Variants in SOX6 observed in about 807,000 individuals in gnomAD.
SOX6 encodes transcription factor SOX-6.
A neutral mutation model predicts 97.8 loss-of-function variants in SOX6; 11 were observed. That is an observed-to-expected ratio of 0.11 (90% confidence interval 0.07 to 0.19). The LOEUF is 0.19. Among genes scored for constraint, SOX6 ranks in the 10% least tolerant of loss-of-function variants. The probability of loss-of-function intolerance (pLI) is 1.00; values close to 1 mark genes in which losing one functional copy is unlikely to be tolerated. For missense variants in SOX6, 810 were observed against 1,039.5 expected (o/e 0.78, Z 3.04); for synonymous variants, 360 against 371.4 (o/e 0.97, Z 0.35).
intron 4 of SOX6, among the ~76,000 whole-genome samples, chr11:16,485,200 C>T (rs181744941): frequency 6.6e-6 from 1 of 152,276 alleles, no homozygotes; most frequent in East Asian, 1.9e-4. Flanking sequence ...CAACTGCCAA[C>T]ACTTTACTGC....
chr11:16,022,369 T>TCCTTCCTC (rs1016251888), intron 12 of SOX6, among the ~76,000 whole-genome samples: 2 of 146,294 alleles, frequency 1.4e-5, no homozygotes, highest in Non-Finnish European at 3.0e-5. Context: ...CTTCCTTCCT[T>TCCTTCCTC]CCTTCCTCCC....
intron 13 of SOX6, among the ~76,000 whole-genome samples, chr11:16,002,990 CCA>C (rs1854448318): frequency 6.6e-6 from 1 of 152,150 alleles, no homozygotes; most frequent in South Asian, 2.1e-4. Context: ...ATTCTTACAC[CCA>C]GTTTTAAATC....
chr11:16,400,841 G>T (rs1858537200), intron 1 of SOX6, among the ~76,000 whole-genome samples: 1 of 151,376 alleles, frequency 6.6e-6, no homozygotes, highest in African/African-American at 2.4e-5. Flanking sequence ...ATTTCATTAT[G>T]AAATAATAAG....
chr11:16,717,037 ATGTC>A (rs1243287981), intron 2 of SOX6, among the ~76,000 whole-genome samples: 1 of 152,128 alleles, frequency 6.6e-6, no homozygotes, highest in Non-Finnish European at 1.5e-5. Context: ...ACTTTTCTGT[ATGTC>A]TATTATGTTT....
intron 1 of SOX6, among the ~76,000 whole-genome samples, chr11:16,417,465 T>C (rs1312108116): frequency 4.6e-5 from 7 of 152,182 alleles, no homozygotes; most frequent in African/African-American, 1.7e-4. Flanking sequence ...GCCTGACAGA[T>C]GATGCCATAG....
At chr11:16,160,138 T>C (rs1263055947) in intron 6 of SOX6, among the ~76,000 whole-genome samples, 1 of 152,116 alleles carries the variant, frequency 6.6e-6, no homozygotes, top group Non-Finnish European at 1.5e-5. Flanking sequence ...GTACAAGATA[T>C]TTACTAGGGA....
chr11:16,037,778 T>A (rs2133894401), intron 12 of SOX6, among the ~76,000 whole-genome samples: 1 of 152,288 alleles, frequency 6.6e-6, no homozygotes, highest in African/African-American at 2.4e-5. Flanking sequence ...ACTGCCACCA[T>A]CATATTCTTC....
At chr11:16,654,284 T>G (rs549319992) in intron 3 of SOX6, among the ~76,000 whole-genome samples, 2 of 152,152 alleles carry the variant, frequency 1.3e-5, no homozygotes, top group East Asian at 3.9e-4. Context: ...TCTTCCCACC[T>G]GAGCCTCCCA....
intron 3 of SOX6, among the ~76,000 whole-genome samples, chr11:16,660,101 C>T (rs1276740981): frequency 6.6e-6 from 1 of 151,916 alleles, no homozygotes; most frequent in African/African-American, 2.4e-5. Context: ...CTACGGTTTT[C>T]CTATTTTCAA....
intron 2 of SOX6, among the ~76,000 whole-genome samples, chr11:16,336,517 T>C (rs1436124219): frequency 6.6e-6 from 1 of 152,168 alleles, no homozygotes; most frequent in Admixed American, 6.6e-5. Flanking sequence ...TTATCATCAA[T>C]CAAACTCTCA....
At chr11:16,109,711 T>C (rs1849181167) in intron 7 of SOX6, among the ~76,000 whole-genome samples, 2 of 152,212 alleles carry the variant, frequency 1.3e-5, no homozygotes, top group African/African-American at 4.8e-5. Context: ...TTTAAACACA[T>C]TTTTCATATA....
chr11:16,467,556 A>T (rs2133112432), intron 1 of SOX6, among the ~76,000 whole-genome samples: 1 of 152,304 alleles, frequency 6.6e-6, no homozygotes, highest in Non-Finnish European at 1.5e-5. Context: ...AATACCACAT[A>T]TTCTTACTTA....
chr11:16,189,051 A>C (rs1851560423), intron 4 of SOX6, among the ~76,000 whole-genome samples: 1 of 152,146 alleles, frequency 6.6e-6, no homozygotes, highest in Non-Finnish European at 1.5e-5. Context: ...TGTAGGAGTG[A>C]GACTCCATCT....
chr11:16,038,677 T>C (rs74728379), intron 12 of SOX6, among the ~76,000 whole-genome samples: 48 of 152,150 alleles, frequency 3.2e-4, no homozygotes, highest in Non-Finnish European at 5.6e-4. Context: ...CCACTTCACA[T>C]GTCTAATACT....
intron 4 of SOX6, among the ~76,000 whole-genome samples, chr11:16,513,260 T>A (rs549897858): frequency 6.6e-6 from 1 of 152,118 alleles, no homozygotes; most frequent in African/African-American, 2.4e-5. Context: ...AGAGATAATT[T>A]AAAAAGAAAT....
At chr11:16,118,942 T>C (rs1430671794) in intron 6 of SOX6, among the ~76,000 whole-genome samples, 1 of 152,092 alleles carries the variant, frequency 6.6e-6, no homozygotes, top group Non-Finnish European at 1.5e-5. Context: ...TTCCAATGTG[T>C]GTATACCATG....
intron 1 of SOX6, among the ~76,000 whole-genome samples, chr11:16,427,274 GA>G (rs1859162478): frequency 2.0e-5 from 3 of 147,500 alleles, no homozygotes; most frequent in Non-Finnish European, 3.0e-5. Flanking sequence ...AAATTTACAA[GA>G]AAAAACAAAC....
chr11:16,352,685 T>C (rs1040462748), intron 1 of SOX6, among the ~76,000 whole-genome samples: 1 of 152,158 alleles, frequency 6.6e-6, no homozygotes, highest in Middle Eastern at 3.2e-3. Flanking sequence ...ATTTATACCA[T>C]TCCTGTAGAA....
chr11:16,276,579 A>C (rs1383990652), intron 3 of SOX6, among the ~76,000 whole-genome samples: 1 of 152,168 alleles, frequency 6.6e-6, no homozygotes, highest in Non-Finnish European at 1.5e-5. Flanking sequence ...ATTCTTCGTC[A>C]TGCACCATCC....
Sources: allele counts gnomAD v4.1 joint callset (sites outside exome capture counted in the v4.1 genomes callset), GRCh38; gene constraint gnomAD v4.1.1; transcripts MANE v1.5; gene names NCBI Gene and HGNC (gene_info 2026-07-23, HGNC 2026-07-21).